Variants in WDFY4 observed in about 807,000 individuals in gnomAD.
The protein encoded by WDFY4 is WDFY family member 4.
In WDFY4, 169 loss-of-function variants were observed where a neutral mutation model predicts 351.9. The ratio of observed to expected loss-of-function variants is 0.48; its 90% CI spans 0.42 to 0.55. The LOEUF is 0.55. Ranked by LOEUF, WDFY4 falls within the 20% of genes least tolerant of loss-of-function variation. The pLI, the probability that WDFY4 is intolerant of heterozygous loss-of-function variation, is 0.00. For synonymous variants in WDFY4, 1,622 were observed against 1,574.6 expected (o/e 1.03, Z -0.71); for missense variants, 3,803 against 3,935.6 (o/e 0.97, Z 0.90).
At chr10:48,743,649 T>G (rs747533038) in intron 12 of WDFY4, 101 bp downstream of exon 12, 1 of 1,326,262 alleles carries the variant, frequency 7.5e-7, no homozygotes, top group Non-Finnish European at 1.0e-6. Flanking sequence ...AGCTACAGAA[T>G]GGGTGTGCAG....
At chr10:48,802,210 CA>C (rs1234124444) in intron 24 of WDFY4, among the ~76,000 whole-genome samples, 5 of 152,036 alleles carry the variant, frequency 3.3e-5, no homozygotes, top group Middle Eastern at 6.8e-3. Flanking sequence ...CCCCACTCTA[CA>C]AAAAAATTTT....
chr10:48,826,690 C>A lies in WDFY4; in HGVS notation c.6002C>A (p.Ser2001Tyr). ...HIMVVIETASSQRDTVLSTLY... is the reference protein window; with the variant it reads ...HIMVVIETASYQRDTVLSTLY... ...ACACAGGTCATTGAGACTGCCTCTT[C>A]TCAAAGGGACACTGTCCTCAGCACT... Residue 2001 changes from serine to tyrosine, a missense_variant, in exon 36 of 62, where the codon TCT becomes TAT. Coordinates refer to ENST00000325239, the MANE Select transcript of WDFY4 (RefSeq NM_001394531.1). The A allele has an allele frequency of 6.4e-7, 1 of 1,551,458 alleles. No individual in the cohort carries two copies.
At chr10:48,840,408 A>G (rs567192016) in intron 39 of WDFY4, among the ~76,000 whole-genome samples, 1 of 131,068 alleles carries the variant, frequency 7.6e-6, no homozygotes, top group East Asian at 2.6e-4. Context: ...CCCTTGACAC[A>G]CACACACACA....
At position 48,774,350 on chromosome 10, in the gene WDFY4, G is replaced by A. The variant is rs141753500; in HGVS notation, c.2554-108G>A. On this transcript the variant is annotated intron_variant, in intron 13 of 61. Coordinates refer to ENST00000325239, the MANE Select transcript of WDFY4 (RefSeq NM_001394531.1). ...GTAGTGGGGATGGGGTATGGTGGGC[G>A]CAGTCTCCTTGTTCCACAACTCACC... 704 of 1,122,700 alleles carry A rather than the reference G, an allele frequency of 6.3e-4. 7 individuals carry two copies. The African/African-American group carries it at 6.9e-3, about 11-fold the overall frequency. The allele number at this position is 1,122,700 out of a possible 1,614,324, so 69.5% of individuals were successfully genotyped here. A position where few individuals can be genotyped will look rare whatever the true frequency, so the allele number is the denominator to read the frequency against.
chr10:48,951,094 A>G (rs1173447937), intron 51 of WDFY4, among the ~76,000 whole-genome samples: 1 of 152,242 alleles, frequency 6.6e-6, no homozygotes, highest in South Asian at 2.1e-4. Flanking sequence ...AACACTGGGT[A>G]TAAGGAGTGT....
chr10:48,974,540 C>T (rs1303511609), intron 57 of WDFY4, among the ~76,000 whole-genome samples: 1 of 4,634 alleles, frequency 2.2e-4, no homozygotes, highest in African/African-American at 2.7e-4. Flanking sequence ...CAACTCATGA[C>T]ATGAACTGCT....
chr10:48,938,948 G>C (rs1430202748), intron 47 of WDFY4, among the ~76,000 whole-genome samples: 2 of 152,160 alleles, frequency 1.3e-5, no homozygotes, highest in African/African-American at 4.8e-5. Context: ...GGCCAGGCCG[G>C]GTAACCGCCA....
chr10:48,871,465 GC>G (rs368545843), intron 40 of WDFY4, among the ~76,000 whole-genome samples: 8,448 of 148,984 alleles, frequency 0.057, 327 homozygotes, highest in Middle Eastern at 0.1. Context: ...TTTTCTGGTG[GC>G]CCCCCCCTTT....
chr10:48,769,909 G>A (rs904046514), intron 13 of WDFY4, among the ~76,000 whole-genome samples: 4 of 152,214 alleles, frequency 2.6e-5, no homozygotes, highest in South Asian at 2.1e-4. Flanking sequence ...TTGCCTTGCG[G>A]GCCCAGCCCG....
Position 48,826,702 on chromosome 10 carries a change from C to T in WDFY4, c.6014C>T (p.Thr2005Ile). The change falls in exon 36 of 62, where the codon ACT becomes ATT. Residue 2005 changes from threonine to isoleucine, a missense_variant. Transcript: ENST00000325239. The part of the protein sequence containing the change: ...VIETASSQRD[T>I]VLSTLYSSLN... ...GAGACTGCCTCTTCTCAAAGGGACACTGTCCTCAGCACTTTATACAGCAGT... is the reference window on the plus strand; with the variant it reads ...GAGACTGCCTCTTCTCAAAGGGACATTGTCCTCAGCACTTTATACAGCAGT... 6.4e-7 allele frequency: 1 copy of T among 1,551,700 alleles called. No individual in the cohort carries two copies. The highest frequency in any genetic ancestry group is 8.7e-7 in the Non-Finnish European group (1 of 1,146,962).
intron 47 of WDFY4, among the ~76,000 whole-genome samples, chr10:48,929,417 G>A (rs911364620): frequency 1.3e-5 from 2 of 152,186 alleles, no homozygotes; most frequent in Non-Finnish European, 2.9e-5. Context: ...CATACTCCAG[G>A]CCAGTGAGTG....
intron 55 of WDFY4, chr10:48,968,841 C>A (rs868607908): frequency 2.6e-4 from 141 of 539,458 alleles, no homozygotes; most frequent in South Asian, 2.5e-3. Context: ...CCCTGTGACT[C>A]CTGCCCCGGG....
In WDFY4 at chr10:48,966,592, A is replaced by G; in HGVS notation, c.8503A>G (p.Thr2835Ala). The change falls in exon 55 of 62, where the codon ACC becomes GCC. Residue 2835 changes from threonine to alanine, a missense_variant. By Grantham distance (58) the Thr-to-Ala change is moderately conservative. Around this residue, in one of 3 missense-constraint regions of WDFY4, gnomAD observed 3,054 missense variants for 3,148.6 expected, o/e 0.97. Coordinates refer to ENST00000325239, the MANE Select transcript of WDFY4 (RefSeq NM_001394531.1). ...GCCTCTGCCTGGAAAGGATGTCTCCACCCCCGTGAGCCTGCCTGGCCACCC... is the reference window on the plus strand; with the variant it reads ...GCCTCTGCCTGGAAAGGATGTCTCCGCCCCCGTGAGCCTGCCTGGCCACCC... ...GKPLPGKDVS[T>A]PVSLPGHPQP... 1 of 1,551,590 alleles carries G rather than the reference A, an allele frequency of 6.4e-7. No individual in the cohort carries two copies.
chr10:48,970,021 GTCCCC>G, intron 56 of WDFY4, 105 bp from the exon 57 acceptor site: 16 of 1,320,046 alleles, frequency 1.2e-5, no homozygotes, highest in Non-Finnish European at 1.6e-5. Context: ...CACATGGCAT[GTCCCC>G]AGTTCCCAAG....
chr10:48,828,723 G>T (rs2068085465), intron 36 of WDFY4, 55 bp from the exon 37 acceptor site: 2 of 1,047,016 alleles, frequency 1.9e-6, no homozygotes, highest in Admixed American at 2.7e-5. Context: ...CAATAGAATG[G>T]TCTCAAGGAA....
rs1374869027 is a variant in WDFY4 at position 48,897,475 on chromosome 10, C to T, written c.7338C>T (p.Phe2446=). The change falls in exon 45 of 62, where the codon TTC becomes TTT. Residue 2446 remains phenylalanine (F), a synonymous_variant. Transcript: ENST00000325239. The part of the protein sequence containing the change: ...CLSNISDPFI[F]NLCSKDRSTD... ...TCAGCATCAGCGATCCGTTCATTTT[C>T]AACCTGTGCAGCAAAGACAGGTCCA... 4 of 1,551,750 alleles carry T rather than the reference C, an allele frequency of 2.6e-6. 1 individual carries two copies. The South Asian group carries it at 4.8e-5, about 18-fold the overall frequency.
intron 18 of WDFY4, 128 bp downstream of exon 18, chr10:48,778,960 C>T: frequency 9.2e-7 from 1 of 1,082,370 alleles, no homozygotes; most frequent in Non-Finnish European, 1.3e-6. Context: ...TTTGAAATTG[C>T]TCCCTTGGGT....
intron 51 of WDFY4, among the ~76,000 whole-genome samples, chr10:48,948,527 C>A (rs1368939969): frequency 6.6e-6 from 1 of 152,210 alleles, no homozygotes; most frequent in East Asian, 1.9e-4. Context: ...CCCAGCTCTA[C>A]CTGTTGCTAA....
rs768566693 is a variant in WDFY4 at position 48,743,570 on chromosome 10, T to C, written c.2459+22T>C. ...AGAGGTAGCTTCTTCTGCCAGTGTG[T>C]CATCAGTGCATCTCTGTCTCCCATT... On this transcript the variant is annotated intron_variant, in intron 12 of 61. Coordinates refer to ENST00000325239, the MANE Select transcript of WDFY4 (RefSeq NM_001394531.1). 4 of 1,523,196 alleles carry C rather than the reference T, an allele frequency of 2.6e-6. No individual in the cohort carries two copies. The African/African-American group carries it at 4.1e-5, about 16-fold the overall frequency. The allele number at this position is 1,523,196 out of a possible 1,614,324, so 94.4% of individuals were successfully genotyped here.
Sources: gnomAD v4.1 joint callset for allele counts (sites outside exome capture counted in the v4.1 genomes callset) on GRCh38, gnomAD v4.1.1 for gene constraint, gnomAD v4.1.1 regional missense constraint, MANE v1.5 for transcripts, NCBI Gene and HGNC (gene_info 2026-07-23, HGNC 2026-07-21) for gene names.